Variants in ALS2 observed in about 807,000 individuals in gnomAD.
ALS2 encodes alsin.
ALS2 carries 117 observed loss-of-function variants against 203.4 expected under a neutral mutation model. The ratio of observed to expected loss-of-function variants is 0.58; its 90% confidence interval spans 0.50 to 0.67. ALS2 has a LOEUF of 0.67. Ranked by LOEUF, ALS2 falls within the 30% of genes least tolerant of loss-of-function variation. ALS2 has a pLI of 0.00. For synonymous variants in ALS2, 718 were observed against 725.9 expected, an observed-to-expected ratio of 0.99 and a Z score of 0.17; for missense variants, 1,715 against 1,989.4, an observed-to-expected ratio of 0.86 and a Z score of 2.62.
chr2:201,742,183 G>A (rs1290700595), intron 10 of ALS2, among the ~76,000 whole-genome samples: 5 of 152,212 alleles, frequency 3.3e-5, no homozygotes, highest in South Asian at 2.1e-4. Context: ...TTGAAGATAA[G>A]TAATCTGAAG....
intron 1 of ALS2, among the ~76,000 whole-genome samples, chr2:201,777,113 T>C (rs1211104301): frequency 6.6e-6 from 1 of 152,180 alleles, no homozygotes; most frequent in African/African-American, 2.4e-5. Flanking sequence ...TCTGTAGTAA[T>C]TTTGTATCTG....
rs1219858617 is a variant in ALS2 at position 201,744,271 on chromosome 2, A to G, written c.2157T>C (p.Pro719=). 1.2e-6 allele frequency: 2 copies of G among 1,614,116 alleles called. No homozygotes were observed. The highest frequency in any genetic ancestry group is 1.1e-5 in the South Asian group (1 of 91,084). ...GTTGCAACTTACCTAAACTGAGAAGAGGCCTGAGAATCTGAGATTTGATAT... is the reference window on the plus strand; with the variant it reads ...GTTGCAACTTACCTAAACTGAGAAGGGGCCTGAGAATCTGAGATTTGATAT... ...LSDIKSQILR[P]LLSLENLGTT... is the part of the protein sequence containing the mutation. The change falls in exon 10 of 34, where the codon CCT becomes CCC. Residue 719 remains proline (P), a synonymous_variant. Transcript: ENST00000264276.
chr2:201,776,439 T>A (rs1694664891), intron 1 of ALS2, among the ~76,000 whole-genome samples: 1 of 152,212 alleles, frequency 6.6e-6, no homozygotes. Context: ...CTCTTTTTTG[T>A]ACCCACTGCA....
intron 11 of ALS2, among the ~76,000 whole-genome samples, chr2:201,740,046 C>T (rs1692166919): frequency 6.6e-6 from 1 of 152,074 alleles, no homozygotes; most frequent in Non-Finnish European, 1.5e-5. Context: ...TAATTTTCGC[C>T]AGGCACAGTG....
At chr2:201,747,728 C>T (rs1318130421) in intron 8 of ALS2, among the ~76,000 whole-genome samples, 2 of 152,128 alleles carry the variant, frequency 1.3e-5, no homozygotes, top group Admixed American at 6.5e-5. Flanking sequence ...GGATTACGGG[C>T]GTGAGCTACC....
chr2:201,720,475 G>A (rs1453461206), intron 23 of ALS2, among the ~76,000 whole-genome samples: 1 of 150,286 alleles, frequency 6.7e-6, no homozygotes, highest in Non-Finnish European at 1.5e-5. Context: ...GGCCGAGGTG[G>A]GTGGATTGCT....
rs1692287459 is a variant in ALS2 at position 201,741,840 on chromosome 2, T to C, written c.2185A>G (p.Thr729Ala). ...PLLSLENLGT[T>A]TTVQLLQEVA... Reference sequence around the variant, plus strand: ...TCCTGCAACAGCTGGACTGTAGTTGTAGTGCCCAAATTTTCTATAACAAAA... The same window carrying C: ...TCCTGCAACAGCTGGACTGTAGTTGCAGTGCCCAAATTTTCTATAACAAAA... The change falls in exon 11 of 34, where the codon ACA (threonine) becomes GCA (alanine). Residue 729 changes from threonine (T) to alanine (A), a missense_variant. Physicochemically the swap from Thr to Ala is moderately conservative, Grantham distance 58 (BLOSUM62 0). Around this residue, in one of 3 missense-constraint regions of ALS2, gnomAD observed 1,227 missense variants for 1,413.5 expected, o/e 0.87. Transcript: ENST00000264276. The C allele has an allele frequency of 6.2e-6, 10 of 1,613,584 alleles. No individual in the cohort carries two copies. The highest frequency in any genetic ancestry group is 8.5e-6 in the Non-Finnish European group (10 of 1,179,724).
At chr2:201,708,980 TC>T (rs1689881845) in intron 27 of ALS2, among the ~76,000 whole-genome samples, 1 of 152,174 alleles carries the variant, frequency 6.6e-6, no homozygotes, top group Non-Finnish European at 1.5e-5. Context: ...ACCACACTTC[TC>T]CCTCAAAACC....
intron 32 of ALS2, 94 bp downstream of exon 32, chr2:201,704,360 T>C (rs1559027962): frequency 3.3e-6 from 5 of 1,537,348 alleles, no homozygotes; most frequent in Non-Finnish European, 4.5e-6. Flanking sequence ...TTTTTTCTAG[T>C]GGAAGAGCGT....
At chr2:201,714,251 T>C (rs1690223917) in intron 25 of ALS2, among the ~76,000 whole-genome samples, 1 of 152,240 alleles carries the variant, frequency 6.6e-6, no homozygotes, top group Non-Finnish European at 1.5e-5. Context: ...AACAATGTGA[T>C]TTATGGTGAA....
At chr2:201,774,620 T>C (rs1694572444) in intron 1 of ALS2, among the ~76,000 whole-genome samples, 1 of 151,816 alleles carries the variant, frequency 6.6e-6, no homozygotes, top group African/African-American at 2.4e-5. Context: ...GGATCCTATG[T>C]ATTCATCTCT....
At chr2:201,742,476 G>C (rs922995945) in intron 10 of ALS2, among the ~76,000 whole-genome samples, 5 of 152,160 alleles carry the variant, frequency 3.3e-5, no homozygotes, top group Admixed American at 6.5e-5. Flanking sequence ...AAGCAATTAG[G>C]AAAGTAGACT....
rs1689839914 is a variant in ALS2 at position 201,708,121 on chromosome 2, C to T, written c.4281-130G>A. 3 of 776,820 alleles carry T rather than the reference C, an allele frequency of 3.9e-6. No homozygotes were observed. The Admixed American group carries it at 7.0e-5, about 18-fold the overall frequency. 48.1% of individuals were successfully genotyped at this position (776,820 alleles called of 1,614,324 possible). A position where few individuals can be genotyped will look rare whatever the true frequency, so the allele number is the denominator to read the frequency against. On this transcript the variant is annotated intron_variant, in intron 27 of 33. Transcript: ENST00000264276. ...TAAGTATTTTAGTTCCCTGAGAAAA[C>T]TGATGTTTCTAACAGGATAAAATTA... is the stretch of plus-strand genomic sequence containing the variant.
At chr2:201,705,030 T>C (rs1476564824) in intron 31 of ALS2, 109 bp downstream of exon 31, 3 of 1,070,772 alleles carry the variant, frequency 2.8e-6, no homozygotes, top group Non-Finnish European at 4.3e-6. Context: ...CATCAGCATA[T>C]AGAATGGGGA....
At position 201,701,343 on chromosome 2, in the gene ALS2, G is replaced by A. The variant is rs1009742435; in HGVS notation, c.*508C>T. The A allele has an allele frequency of 6.5e-6, 1 of 153,484 alleles. No individual in the cohort carries two copies. The highest frequency in any genetic ancestry group is 1.5e-5 in the Non-Finnish European group (1 of 68,678). The allele number at this position is 153,484 out of a possible 1,614,324, so 9.5% of individuals were successfully genotyped here. On this transcript the variant is annotated 3_prime_UTR_variant, in exon 34 of 34. Coordinates refer to ENST00000264276, the MANE Select transcript of ALS2 (RefSeq NM_020919.4). ...CTCCCCTCCCTTGGCAAAGAGACATGATGCACACATGACTGGAAGGGACTC... is the reference window on the plus strand; with the variant it reads ...CTCCCCTCCCTTGGCAAAGAGACATAATGCACACATGACTGGAAGGGACTC...
rs891806020 is a variant in ALS2, at chr2:201,761,164, C to G, written c.830G>C (p.Ser277Thr). The change falls in exon 4 of 34, where the codon AGC (serine) becomes ACC (threonine). Residue 277 changes from serine to threonine, a missense_variant. Around this residue, in one of 3 missense-constraint regions of ALS2, gnomAD observed 476 missense variants for 539.3 expected, o/e 0.88. Transcript: ENST00000264276. ...CCTGTCAAGGGTTTCAGTGGAGGGGCTGAGAGCAGTGCTGGCATGGTTTTC... is the reference window on the plus strand; with the variant it reads ...CCTGTCAAGGGTTTCAGTGGAGGGGGTGAGAGCAGTGCTGGCATGGTTTTC... ...QAENHASTAL[S>T]PSTETLDRQE... The G allele has an allele frequency of 6.2e-7, 1 of 1,614,056 alleles. No homozygotes were observed. Among genetic ancestry groups the G allele is most frequent in the Non-Finnish European group, 8.5e-7 (1 of 1,180,050 alleles).
chr2:201,700,375 A>G lies in ALS2; in HGVS notation c.*1476T>C, dbSNP rs538081235. 6.6e-6 allele frequency among the ~76,000 whole-genome samples: 1 copy of G among 152,216 alleles called. No individual in the cohort carries two copies. The highest frequency in any genetic ancestry group is 1.5e-5 in the Non-Finnish European group (1 of 68,038). On this transcript the variant is annotated 3_prime_UTR_variant, in exon 34 of 34. Coordinates refer to ENST00000264276, the MANE Select transcript of ALS2 (RefSeq NM_020919.4). ...TTTGCTCTTTGCTAGAAAGGGTGCT[A>G]TAACTATTGGTTTACGTTTATTTTA...
chr2:201,736,713 A>G (rs1691895281), intron 12 of ALS2, among the ~76,000 whole-genome samples: 1 of 152,138 alleles, frequency 6.6e-6, no homozygotes, highest in African/African-American at 2.4e-5. Context: ...AAAAAAGATA[A>G]AAGGCCCAAA....
intron 7 of ALS2, among the ~76,000 whole-genome samples, chr2:201,751,009 C>T (rs544401555): frequency 2.0e-5 from 3 of 152,080 alleles, no homozygotes; most frequent in South Asian, 2.1e-4. Flanking sequence ...CCTGTCATCA[C>T]GCCCGGCTAA....
Sources: allele counts gnomAD v4.1 joint callset (sites outside exome capture counted in the v4.1 genomes callset), GRCh38; gene constraint gnomAD v4.1.1; regional missense constraint gnomAD v4.1.1; transcripts MANE v1.5; gene names NCBI Gene and HGNC (gene_info 2026-07-23, HGNC 2026-07-21).